The following OPLAH variants were observed in gnomAD, a reference collection of about 807,000 sequenced individuals.
OPLAH encodes the protein 5-oxoprolinase, ATP-hydrolysing.
OPLAH carries 103 observed loss-of-function variants against 122.8 expected under a neutral mutation model. The observed-to-expected ratio is 0.84, with a 90% CI of 0.71 to 0.99. The LOEUF (loss-of-function observed/expected upper bound fraction) is 0.99, where lower values mean the gene tolerates loss of function less well. OPLAH is among the 50% of genes least tolerant of loss of function. The pLI, the probability that OPLAH is intolerant of heterozygous loss-of-function variation, is 0.00. For missense variants in OPLAH, 1,902 were observed against 1,836.5 expected (o/e 1.04, Z -0.65); for synonymous variants, 875 against 796.0 (o/e 1.10, Z -1.67).
At chr8:144,056,028 C>T in intron 15 of OPLAH, 89 bp from the exon 16 acceptor site, 2 of 1,493,164 alleles carry the variant, frequency 1.3e-6, no homozygotes, top group South Asian at 2.6e-5. Flanking sequence ...GGGGCCACCC[C>T]AACGATGGTG....
Position 144,059,851 on chromosome 8 carries a change from C to T in OPLAH, c.171+11G>A. 1.2e-6 allele frequency: 2 copies of T among 1,612,522 alleles called. No individual in the cohort carries two copies. Among genetic ancestry groups the T allele is most frequent in the Non-Finnish European group, 1.7e-6 (2 of 1,179,744 alleles). ...GTGGGGTCCCTGTCCACCCGCTCCGCCCTGGCCCACCTGCTCCAGGATGCG... is the reference window on the plus strand; with the variant it reads ...GTGGGGTCCCTGTCCACCCGCTCCGTCCTGGCCCACCTGCTCCAGGATGCG... On this transcript the variant is annotated intron_variant, in intron 2 of 26. Transcript: ENST00000618853.
upstream of OPLAH, among the ~76,000 whole-genome samples, chr8:144,061,643 C>A (rs147989649): frequency 6.6e-6 from 1 of 152,252 alleles, no homozygotes; most frequent in African/African-American, 2.4e-5. Context: ...GCCACAGCAA[C>A]GGCACGAAGT....
At chr8:144,063,523 C>G (rs1221681423), upstream of OPLAH, among the ~76,000 whole-genome samples, 2 of 152,248 alleles carry the variant, frequency 1.3e-5, no homozygotes, top group African/African-American at 2.4e-5. The surrounding 1 kb of genome is among the most constrained non-coding windows in gnomAD (Gnocchi z 4.2). Flanking sequence ...GCGCCCCAGC[C>G]TGGCAGCTCC....
chr8:144,052,015 G>T lies in OPLAH; in HGVS notation c.3523C>A (p.Arg1175=), dbSNP rs782712613. 6.3e-7 allele frequency: 1 copy of T among 1,589,984 alleles called. No individual in the cohort carries two copies. Among genetic ancestry groups the T allele is most frequent in the African/African-American group, 1.4e-5 (1 of 74,010 alleles). The change falls in exon 25 of 27, where the codon CGA becomes AGA. Residue 1175 remains arginine, a synonymous_variant. Transcript: ENST00000618853. ...TCGCGGGTGACGCCGTCGCCGCCTC[G>T]GAAGCGGCCTCTGCCCCCCGAGCCC... ...RRGSGGRGRF[R]GGDGVTRELL...
chr8:144,063,048 G>C (rs1432740461), upstream of OPLAH, among the ~76,000 whole-genome samples: 1 of 151,840 alleles, frequency 6.6e-6, no homozygotes. The surrounding 1 kb of genome is among the most constrained non-coding windows in gnomAD (Gnocchi z 4.2). Flanking sequence ...GTCCCTCCAT[G>C]TTGCTGGGTC....
At chr8:144,063,472 C>T (rs1835695464), upstream of OPLAH, among the ~76,000 whole-genome samples, 1 of 152,244 alleles carries the variant, frequency 6.6e-6, no homozygotes, top group South Asian at 2.1e-4. The surrounding 1 kb of genome is among the most constrained non-coding windows in gnomAD (Gnocchi z 4.2). Flanking sequence ...TTGCACCCAC[C>T]TCAGGGCCTG....
rs367992509 is a variant in OPLAH, at chr8:144,054,714, G to A, written c.2533C>T (p.Arg845Trp). The change falls in exon 19 of 27, where the codon CGG (arginine) becomes TGG (tryptophan). Residue 845 changes from arginine to tryptophan, a missense_variant. By Grantham distance (101) the Arg-to-Trp change is moderately radical. Around this residue, in one of 3 missense-constraint regions of OPLAH, gnomAD observed 1,726 missense variants for 1,642.1 expected, o/e 1.05. Coordinates refer to ENST00000618853, the MANE Select transcript of OPLAH (RefSeq NM_017570.5). ...ITPVFWPGQTRPVFYVASRGH... is the reference protein window; with the variant it reads ...ITPVFWPGQTWPVFYVASRGH... Reference sequence around the variant, plus strand: ...CGGCTGGCCACATAGAACACAGGCCGCGTCTGACCCGGCCAAAACACCTAG... The same window carrying A: ...CGGCTGGCCACATAGAACACAGGCCACGTCTGACCCGGCCAAAACACCTAG... The A allele has an allele frequency of 3.2e-5, 51 of 1,612,254 alleles. No individual in the cohort carries two copies. The highest frequency in any genetic ancestry group is 1.8e-4 in the East Asian group (8 of 44,886).
At position 144,051,753 on chromosome 8, in the gene OPLAH, C is replaced by T; in HGVS notation, c.3696G>A (p.Lys1232=). ...CCCCGGGGTACACGGTCACCGACGT[C>T]TTGCCGCCCAGATTCACCGTCCGGC... The part of the protein sequence containing the change: ...KNGRTVNLGG[K]TSVTVYPGDV... The change falls in exon 26 of 27, where the codon AAG becomes AAA. Residue 1232 remains lysine, a synonymous_variant. Transcript: ENST00000618853. 6.2e-7 allele frequency: 1 copy of T among 1,606,802 alleles called. No individual in the cohort carries two copies. Among genetic ancestry groups the T allele is most frequent in the Non-Finnish European group, 8.5e-7 (1 of 1,178,308 alleles).
Position 144,058,632 on chromosome 8 carries a change from A to T in OPLAH, c.647T>A (p.Val216Glu). ...VLARELGFTHVSLSSEAMPMV... is the reference protein window; with the variant it reads ...VLARELGFTHESLSSEAMPMV... ...GGGCATGGCCTCCGAGGACAGTGAC[A>T]CGTGCGTGAAGCCCAGCTCCCGGGC... Residue 216 changes from valine (V) to glutamate (E), a missense_variant, in exon 6 of 27, where the codon GTG becomes GAG. Around this residue, in one of 3 missense-constraint regions of OPLAH, gnomAD observed 1,726 missense variants for 1,642.1 expected, o/e 1.05. Transcript: ENST00000618853. The T allele has an allele frequency of 6.2e-7, 1 of 1,602,678 alleles. No individual in the cohort carries two copies. The highest frequency in any genetic ancestry group is 8.5e-7 in the Non-Finnish European group (1 of 1,178,578).
chr8:144,059,499 T>G (rs1835615008), intron 3 of OPLAH, 100 bp downstream of exon 3: 1 of 1,255,794 alleles, frequency 8.0e-7, no homozygotes, highest in East Asian at 2.4e-5. Context: ...CTGGTGCCCA[T>G]GAGCCATCAC....
chr8:144,056,180 A>T lies in OPLAH; in HGVS notation c.2063T>A (p.Leu688His). 1 of 1,611,096 alleles carries T rather than the reference A, an allele frequency of 6.2e-7. No individual in the cohort carries two copies. The highest frequency in any genetic ancestry group is 8.5e-7 in the Non-Finnish European group (1 of 1,178,602). ...LLAELGYGHK[L>H]HGPCLIIDSN... ...GTCGATGATGAGGCAGGGCCCATGG[A>T]GCTTGTGCCCATAGCCCAGCTCTGC... Residue 688 changes from leucine (L) to histidine (H), a missense_variant, in exon 15 of 27, where the codon CTC (leucine) becomes CAC (histidine). By Grantham distance (99) the Leu-to-His change is moderately conservative (BLOSUM62 -3). Coordinates refer to ENST00000618853, the MANE Select transcript of OPLAH (RefSeq NM_017570.5).
At chr8:144,054,970 TGGGG>T in intron 17 of OPLAH, 55 bp downstream of exon 17, 2 of 306,172 alleles carry the variant, frequency 6.5e-6, no homozygotes, top group Non-Finnish European at 9.3e-6. Flanking sequence ...CAGAGCGGGG[TGGGG>T]GGGGGGTGGA....
chr8:144,057,816 G>T, intron 9 of OPLAH, 40 bp downstream of exon 9: 2 of 1,604,878 alleles, frequency 1.2e-6, no homozygotes, highest in Middle Eastern at 1.7e-4. Context: ...GCGGCGGCAA[G>T]CGGAGGGCAA....
chr8:144,055,031 G>A lies in OPLAH; in HGVS notation c.2407C>T (p.Gln803Ter). The change falls in exon 17 of 27, where the codon CAG becomes TAG. Residue 803 changes from glutamine to a stop codon, truncating the protein, a stop_gained and splice_region_variant. Coordinates refer to ENST00000618853, the MANE Select transcript of OPLAH (RefSeq NM_017570.5). LOFTEE classifies it high-confidence loss of function. The surrounding 1 kb of genome is among the most constrained non-coding windows in gnomAD (Gnocchi z 6.5). ...GGGTGAGGCGGGGGAAGGGCCACCT[G>A]GAACTGCACCGTCTCCTGCATGGCA... is the stretch of plus-strand genomic sequence containing the variant. Reference protein sequence around the residue: ...LGAMQETVQFQIQHLGADLHP... With the variant: ...LGAMQETVQF 6.7e-7 allele frequency: 1 copy of A among 1,493,422 alleles called. No homozygotes were observed. The highest frequency in any genetic ancestry group is 9.0e-7 in the Non-Finnish European group (1 of 1,114,524). 92.5% of individuals were successfully genotyped at this position (1,493,422 alleles called of 1,614,324 possible). A position where few individuals can be genotyped will look rare whatever the true frequency, so the allele number is the denominator to read the frequency against.
Position 144,051,382 on chromosome 8 carries a change from C to T in OPLAH, c.3811G>A (p.Ala1271Thr), listed in dbSNP as rs782755078. 1.9e-6 allele frequency: 3 copies of T among 1,606,402 alleles called. No homozygotes were observed. In the Admixed American group the frequency reaches 5.1e-5, roughly 27 times the overall value. ...TAGACGCTGCCGTGCTCGGGAAAGG[C>T]CAGTGCTTGCGGGGGCGACCCCGGC... ...PPPGSPPQAL[A>T]FPEHGSVYEY... The change falls in exon 27 of 27, where the codon GCC (alanine) becomes ACC (threonine). Residue 1271 changes from alanine to threonine, a missense_variant. Ala to Thr is a moderately conservative substitution (Grantham distance 58). Around this residue, in one of 3 missense-constraint regions of OPLAH, gnomAD observed 1,726 missense variants for 1,642.1 expected, o/e 1.05. Transcript: ENST00000618853.
rs781977956 is a variant in OPLAH at position 144,056,167 on chromosome 8, G to A, written c.2076C>T (p.Cys692=). The change falls in exon 15 of 27, where the codon TGC becomes TGT. Residue 692 remains cysteine (C), a synonymous_variant. Transcript: ENST00000618853. ...LGYGHKLHGP[C]LIIDSNSTIL... ...CCCACCTGTTACTGTCGATGATGAG[G>A]CAGGGCCCATGGAGCTTGTGCCCAT... is the stretch of plus-strand genomic sequence containing the variant. 1 of 1,609,004 alleles carries A rather than the reference G, an allele frequency of 6.2e-7. No individual in the cohort carries two copies. The highest frequency in any genetic ancestry group is 8.5e-7 in the Non-Finnish European group (1 of 1,176,860).
chr8:144,055,778 G>T lies in OPLAH; in HGVS notation c.2248+10C>A. 6.7e-7 allele frequency: 1 copy of T among 1,501,460 alleles called. No individual in the cohort carries two copies. The highest frequency in any genetic ancestry group is 8.9e-7 in the Non-Finnish European group (1 of 1,118,048). The allele number at this position is 1,501,460 out of a possible 1,614,324, so 93.0% of individuals were successfully genotyped here. A position where few individuals can be genotyped will look rare whatever the true frequency, so the allele number is the denominator to read the frequency against. ...CTCATCCCACAGGGAGCCTGGCAGC[G>T]GCCACTCACCAGCAATGCTCATGAA... On this transcript the variant is annotated intron_variant, in intron 16 of 26. Transcript: ENST00000618853. The surrounding 1 kb of genome is among the most constrained non-coding windows in gnomAD (Gnocchi z 6.5).
chr8:144,050,657 G>A (rs1447674200), downstream of OPLAH: 68 of 984,782 alleles, frequency 6.9e-5, no homozygotes, highest in Non-Finnish European at 8.0e-5. Context: ...GGGTACCCCC[G>A]CCGGCTGGGC....
Position 144,058,383 on chromosome 8 carries a change from G to A in OPLAH, c.805C>T (p.Arg269Cys), listed in dbSNP as rs201078986. Residue 269 changes from arginine (R) to cysteine (C), a missense_variant, in exon 7 of 27, where the codon CGC becomes TGC. This residue lies in a region of OPLAH where 1,726 missense variants were observed against 1,642.1 expected (regional missense o/e 1.05). Transcript: ENST00000618853. ...QLKDVQVLFM[R>C]SDGGLAPMDT... is the part of the protein sequence containing the mutation. ...ATGGGCGCCAGGCCGCCATCGGAGC[G>A]CATGAACAACACCTGCACATCCTGC... 8.0e-4 allele frequency: 1,280 copies of A among 1,592,740 alleles called. 12 individuals are homozygous for A. The African/African-American group carries it at 0.015, about 18-fold the overall frequency.
Sources: allele counts gnomAD v4.1 joint callset (sites outside exome capture counted in the v4.1 genomes callset), GRCh38; gene constraint gnomAD v4.1.1; regional missense constraint gnomAD v4.1.1; non-coding constraint Gnocchi (gnomAD v3.1); transcripts MANE v1.5; gene names NCBI Gene and HGNC (gene_info 2026-07-23, HGNC 2026-07-21).